Variants in SLC28A3 observed in about 807,000 individuals in gnomAD.
SLC28A3 encodes solute carrier family 28 member 3.
Under a neutral mutation model 84.2 loss-of-function variants are expected in SLC28A3, and 68 were observed. That is an observed-to-expected ratio of 0.81 (90% CI 0.66 to 0.99). SLC28A3 has a LOEUF of 0.99. Among genes scored for constraint, SLC28A3 ranks in the 50% least tolerant of loss-of-function variants. The pLI is 0.00. For synonymous variants in SLC28A3, 267 were observed against 303.6 expected (o/e 0.88, Z 1.25); for missense variants, 712 against 841.5 (o/e 0.85, Z 1.90).
intron 1 of SLC28A3, among the ~76,000 whole-genome samples, chr9:84,328,385 C>G (rs1247922592): frequency 1.3e-5 from 2 of 150,950 alleles, no homozygotes; most frequent in Non-Finnish European, 2.9e-5. Context: ...GCCTGTAATC[C>G]CAGCACTTTG....
rs757316993 is a variant in SLC28A3, at chr9:84,286,087, A to G, written c.1305T>C (p.Ala435=). ...ESGDSGNLLE[A]ATQGASSSIS... ...TGGAGGAGGATGCTCCCTGTGTTGC[A>G]GCTTCTAGAAGATTCCCTGAATCAC... Residue 435 remains alanine (A), a synonymous_variant, in exon 13 of 18, where the codon GCT becomes GCC. Transcript: ENST00000376238. 2.4e-5 allele frequency: 39 copies of G among 1,613,578 alleles called. No individual in the cohort carries two copies. The highest frequency in any genetic ancestry group is 3.2e-5 in the Non-Finnish European group (38 of 1,179,838).
intron 12 of SLC28A3, 62 bp downstream of exon 12, chr9:84,287,986 A>C: frequency 6.2e-7 from 1 of 1,603,470 alleles, no homozygotes; most frequent in Non-Finnish European, 8.5e-7. Context: ...CTGTACATTG[A>C]CTCCTGGAGT....
Position 84,286,115 on chromosome 9 carries a change from T to C in SLC28A3, c.1281-4A>G. ...TTCTAGAAGATTCCCTGAATCACTT[T>C]ATCAAGAAATAGCAATTCCAGAATT... On this transcript the variant is annotated splice_region_variant and splice_polypyrimidine_tract_variant and intron_variant, in intron 12 of 17. Transcript: ENST00000376238. 1.2e-6 allele frequency: 2 copies of C among 1,612,858 alleles called. No individual in the cohort carries two copies. Among genetic ancestry groups the C allele is most frequent in the East Asian group, 4.5e-5 (2 of 44,862 alleles).
At chr9:84,340,482 C>T (rs1827123263) in intron 1 of SLC28A3, 92 bp downstream of exon 1, 2 of 1,329,000 alleles carry the variant, frequency 1.5e-6, no homozygotes, top group Middle Eastern at 1.8e-4. Flanking sequence ...TCCTGATAAT[C>T]TCCCTGCTTA....
intron 13 of SLC28A3, 106 bp from the exon 14 acceptor site, chr9:84,285,648 G>T (rs1245455863): frequency 4.9e-6 from 6 of 1,220,300 alleles, no homozygotes; most frequent in Non-Finnish European, 7.0e-6. Flanking sequence ...TTTAGGCAAA[G>T]AAATTCCTTC....
At chr9:84,329,673 T>C (rs1206996295) in intron 1 of SLC28A3, among the ~76,000 whole-genome samples, 2 of 151,140 alleles carry the variant, frequency 1.3e-5, no homozygotes, top group East Asian at 2.0e-4. Flanking sequence ...CTCTGTCTTA[T>C]AAAAAAAAGA....
rs1332640740 is a variant in SLC28A3, at chr9:84,301,340, ACT to A, written c.524+858_524+859del. On this transcript the variant is annotated intron_variant, in intron 5 of 17. Coordinates refer to ENST00000376238, the MANE Select transcript of SLC28A3 (RefSeq NM_001199633.2). Reference sequence around the variant, plus strand: ...ACTCCAGTCTGGGTGACAGAGCAAGACTCTGTCTCAAAAAAAAAAAAAAAAAA... The same window carrying A: ...ACTCCAGTCTGGGTGACAGAGCAAGACTGTCTCAAAAAAAAAAAAAAAAAA... 1.5e-3 allele frequency among the ~76,000 whole-genome samples: 173 copies of A among 118,120 alleles called. 1 individual carries two copies. The highest frequency in any genetic ancestry group is 6.2e-3 in the African/African-American group (168 of 27,304). 77.5% of individuals were successfully genotyped at this position (118,120 alleles called of 152,430 possible).
intron 1 of SLC28A3, among the ~76,000 whole-genome samples, chr9:84,320,744 C>G (rs1564170943): frequency 6.6e-6 from 1 of 152,100 alleles, no homozygotes; most frequent in Non-Finnish European, 1.5e-5. Flanking sequence ...AATCCTAGCA[C>G]TTTCGGAGGC....
chr9:84,296,686 C>T (rs1303362894), intron 8 of SLC28A3, among the ~76,000 whole-genome samples: 1 of 152,108 alleles, frequency 6.6e-6, no homozygotes, highest in Admixed American at 6.5e-5. Flanking sequence ...GAAGGCCTAT[C>T]CCCTAGTCCT....
In SLC28A3 at chr9:84,279,374, T is replaced by A. The variant is rs761334565; in HGVS notation, c.1840A>T (p.Ser614Cys). Residue 614 changes from serine (S) to cysteine (C), a missense_variant, in exon 17 of 18, where the codon AGC (serine) becomes TGC (cysteine). Coordinates refer to ENST00000376238, the MANE Select transcript of SLC28A3 (RefSeq NM_001199633.2). Reference protein sequence around the residue: ...MTACIAGILSSTPVDINCHHV... With the variant: ...MTACIAGILSCTPVDINCHHV... ...TGGCAGTTGATGTCCACAGGAGTGC[T>A]GGAGAGTATGCCTAGAAGTGGAACA... 6.3e-7 allele frequency: 1 copy of A among 1,589,888 alleles called. No homozygotes were observed. Among genetic ancestry groups the A allele is most frequent in the South Asian group, 1.2e-5 (1 of 85,774 alleles).
At chr9:84,292,321 A>G (rs1009168112) in intron 10 of SLC28A3, among the ~76,000 whole-genome samples, 3 of 152,198 alleles carry the variant, frequency 2.0e-5, no homozygotes, top group Non-Finnish European at 2.9e-5. Context: ...ATTTATTGAG[A>G]ATCTATATGA....
At chr9:84,315,643 G>A (rs1036861312) in intron 1 of SLC28A3, among the ~76,000 whole-genome samples, 1 of 152,126 alleles carries the variant, frequency 6.6e-6, no homozygotes, top group Non-Finnish European at 1.5e-5. Flanking sequence ...CAGAGTATAC[G>A]CCTTGGCCTT....
intron 14 of SLC28A3, 125 bp downstream of exon 14, chr9:84,285,220 G>A: frequency 1.2e-6 from 1 of 860,060 alleles, no homozygotes. Context: ...ATGGATTTTA[G>A]GTTGTTTTGC....
chr9:84,299,251 T>C (rs1053217946), intron 6 of SLC28A3, among the ~76,000 whole-genome samples: 1 of 152,198 alleles, frequency 6.6e-6, no homozygotes, highest in African/African-American at 2.4e-5. Flanking sequence ...GACTATTAGA[T>C]TTTTTACTGG....
At chr9:84,352,564 A>T in the SLC28A3 span, among the ~76,000 whole-genome samples, 1 of 151,792 alleles carries the variant, frequency 6.6e-6, no homozygotes, top group Non-Finnish European at 1.5e-5. Context: ...AGGATTAAAA[A>T]TTTTGGTATA....
intron 1 of SLC28A3, among the ~76,000 whole-genome samples, chr9:84,318,766 G>C (rs1826259304): frequency 6.6e-6 from 1 of 152,104 alleles, no homozygotes; most frequent in South Asian, 2.1e-4. Context: ...CTACTCGGGA[G>C]GGTGAGACAG....
chr9:84,301,200 A>T (rs12379959), intron 5 of SLC28A3, among the ~76,000 whole-genome samples: 26,501 of 151,586 alleles, frequency 0.17, 2,879 homozygotes, highest in East Asian at 0.29. Flanking sequence ...AAAACACAAA[A>T]AAATTAGCTG....
rs1430627471 is a variant in SLC28A3, at chr9:84,328,054, G to A, written c.60+12520C>T. Among the ~76,000 whole-genome samples, 7 of 151,516 alleles carry A rather than the reference G, an allele frequency of 4.6e-5. No homozygotes were observed. The South Asian group carries it at 8.3e-4, about 18-fold the overall frequency. On this transcript the variant is annotated intron_variant, in intron 1 of 17. Transcript: ENST00000376238. Reference sequence around the variant, plus strand: ...ACATAGGTAGCTGCCTGAGGTGGTGGTAACTGTTGGGAAAAACAACAAGCC... The same window carrying A: ...ACATAGGTAGCTGCCTGAGGTGGTGATAACTGTTGGGAAAAACAACAAGCC...
In SLC28A3 at chr9:84,277,978, A is replaced by G. The variant is rs1440200018; in HGVS notation, c.*240T>C. ...AAATCCCATTGAGACTGGAATCAACAACACCTCACTTTGGGACATCATAGC... is the reference window on the plus strand; with the variant it reads ...AAATCCCATTGAGACTGGAATCAACGACACCTCACTTTGGGACATCATAGC... On this transcript the variant is annotated 3_prime_UTR_variant, in exon 18 of 18. Transcript: ENST00000376238. 8.2e-6 allele frequency: 4 copies of G among 489,008 alleles called. No homozygotes were observed. Among genetic ancestry groups the G allele is most frequent in the Non-Finnish European group, 1.4e-5 (4 of 276,968 alleles). The allele number at this position is 489,008 out of a possible 1,614,324, so 30.3% of individuals were successfully genotyped here.
Sources: gnomAD v4.1 joint callset for allele counts (sites outside exome capture counted in the v4.1 genomes callset) on GRCh38, gnomAD v4.1.1 for gene constraint, MANE v1.5 for transcripts, NCBI Gene and HGNC (gene_info 2026-07-23, HGNC 2026-07-21) for gene names.